SLC15A2: variants seen among roughly 807,000 people sequenced by gnomAD.
The protein encoded by SLC15A2 is solute carrier family 15 member 2, also known as kidney H(+)/peptide cotransporter.
A neutral mutation model predicts 95.5 loss-of-function variants in SLC15A2; 77 were observed. The ratio of observed to expected loss-of-function variants is 0.81; its 90% confidence interval spans 0.67 to 0.97. The LOEUF is 0.97. Among genes scored for constraint, SLC15A2 ranks in the 50% least tolerant of loss-of-function variants. SLC15A2 has a pLI of 0.00. For synonymous variants in SLC15A2, 306 were observed against 306.9 expected, an observed-to-expected ratio of 1.00 and a Z score of 0.03; for missense variants, 893 against 874.4, an observed-to-expected ratio of 1.02 and a Z score of -0.27.
chr3:121,911,987 G>A (rs1321300500), intron 4 of SLC15A2, among the ~76,000 whole-genome samples: 2 of 151,998 alleles, frequency 1.3e-5, no homozygotes, highest in Non-Finnish European at 2.9e-5. Context: ...ACTCTATAAT[G>A]TTTCCTTATA....
At chr3:121,935,080 A>T in intron 19 of SLC15A2, among the ~76,000 whole-genome samples, 1 of 152,164 alleles carries the variant, frequency 6.6e-6, no homozygotes, top group Non-Finnish European at 1.5e-5. Flanking sequence ...TGATTTTCGT[A>T]TATTGAACCA....
rs767603159 is a variant in SLC15A2 at position 121,924,399 on chromosome 3, A to G, written c.1035+16A>G. 1.2e-6 allele frequency: 2 copies of G among 1,611,086 alleles called. No individual in the cohort carries two copies. Among genetic ancestry groups the G allele is most frequent in the African/African-American group, 1.3e-5 (1 of 74,912 alleles). ...CCAGATGCAGGTATGTGACTCTTCT[A>G]TAGCCATGGGGACTTATTTGTTTCC... On this transcript the variant is annotated intron_variant, in intron 12 of 21. Transcript: ENST00000489711.
chr3:121,940,683 G>T, intron 21 of SLC15A2, 148 bp from the exon 22 acceptor site: 1 of 879,072 alleles, frequency 1.1e-6, no homozygotes. Flanking sequence ...ACCTATGTGA[G>T]GAGAGGCCAG....
chr3:121,919,631 C>A (rs1240290515), intron 7 of SLC15A2, among the ~76,000 whole-genome samples: 2 of 152,148 alleles, frequency 1.3e-5, no homozygotes, highest in African/African-American at 4.8e-5. Flanking sequence ...CTATCAGGAA[C>A]CGGCAAGTCG....
chr3:121,938,720 C>T (rs549052468), intron 19 of SLC15A2, among the ~76,000 whole-genome samples: 4 of 152,314 alleles, frequency 2.6e-5, no homozygotes, highest in South Asian at 2.1e-4. Context: ...AGAAATCACC[C>T]GTCTTCTGCA....
rs1330083469 is a variant in SLC15A2 at position 121,944,171 on chromosome 3, ACT to A, written c.*3167_*3168del. On this transcript the variant is annotated 3_prime_UTR_variant, in exon 22 of 22. Coordinates refer to ENST00000489711, the MANE Select transcript of SLC15A2 (RefSeq NM_021082.4). ...TTTTCTTAACATTTGCATATTAAAG[ACT>A]CTGACTATATATGGACATATATGAC... The A allele has an allele frequency of 6.6e-5, 10 of 152,194 alleles. No homozygotes were observed. The highest frequency in any genetic ancestry group is 1.9e-4 in the East Asian group (1 of 5,204). The allele number at this position is 152,194 out of a possible 1,614,324, so 9.4% of individuals were successfully genotyped here. A position where few individuals can be genotyped will look rare whatever the true frequency, so the allele number is the denominator to read the frequency against.
chr3:121,927,139 CTTTTGATTGAG>C (rs1710137565), intron 13 of SLC15A2, among the ~76,000 whole-genome samples: 1 of 152,066 alleles, frequency 6.6e-6, no homozygotes, highest in Non-Finnish European at 1.5e-5. Context: ...GGACTTGGAA[CTTTTGATTGAG>C]TTTGTGCTGG....
intron 4 of SLC15A2, among the ~76,000 whole-genome samples, chr3:121,911,946 A>G (rs1709776229): frequency 6.6e-6 from 1 of 152,128 alleles, no homozygotes; most frequent in Non-Finnish European, 1.5e-5. Flanking sequence ...TTATTCATCC[A>G]TGCATCTATA....
chr3:121,924,423 C>A, intron 12 of SLC15A2, 40 bp downstream of exon 12: 1 of 1,558,974 alleles, frequency 6.4e-7, no homozygotes, highest in Non-Finnish European at 8.8e-7. Context: ...TTATTTGTTT[C>A]CTTATCTATG....
At chr3:121,921,596 C>A (rs1420085830) in intron 7 of SLC15A2, among the ~76,000 whole-genome samples, 1 of 152,018 alleles carries the variant, frequency 6.6e-6, no homozygotes, top group Non-Finnish European at 1.5e-5. Context: ...TAACAATAAC[C>A]ATTAGGATAA....
At chr3:121,911,300 A>G (rs1209088503) in intron 3 of SLC15A2, among the ~76,000 whole-genome samples, 4 of 152,158 alleles carry the variant, frequency 2.6e-5, no homozygotes, top group Non-Finnish European at 4.4e-5. Flanking sequence ...GTGAGCGGGT[A>G]GAGGCAAAGG....
In SLC15A2 at chr3:121,921,358, A is replaced by G. The variant is rs551381146; in HGVS notation, c.698-862A>G. 1.6e-4 allele frequency among the ~76,000 whole-genome samples: 24 copies of G among 152,350 alleles called. No homozygotes were observed. The South Asian group carries it at 4.1e-3, about 26-fold the overall frequency. On this transcript the variant is annotated intron_variant, in intron 7 of 21. Transcript: ENST00000489711. Reference sequence around the variant, plus strand: ...GTGTAAGAATTAGTGAGTGAGATGCATTATAAGGATTAAATACATAGATTT... The same window carrying G: ...GTGTAAGAATTAGTGAGTGAGATGCGTTATAAGGATTAAATACATAGATTT...
In SLC15A2 at chr3:121,927,814, C is replaced by T. The variant is rs771680786; in HGVS notation, c.1181C>T (p.Ala394Val). ...CTAGCATGCCTGGCATTTGCAGTTG[C>T]GGCAGCTGTAGAGATAAAAATAAAT... is the stretch of plus-strand genomic sequence containing the variant. ...MILACLAFAV[A>V]AAVEIKINEM... is the part of the protein sequence containing the mutation. Residue 394 changes from alanine to valine, a missense_variant, in exon 14 of 22, where the codon GCG becomes GTG. By Grantham distance (64) the Ala-to-Val change is moderately conservative. Transcript: ENST00000489711. 46 of 1,613,458 alleles carry T rather than the reference C, an allele frequency of 2.9e-5. No homozygotes were observed. The highest frequency in any genetic ancestry group is 1.8e-4 in the East Asian group (8 of 44,892).
At chr3:121,920,551 C>G (rs1326472227) in intron 7 of SLC15A2, among the ~76,000 whole-genome samples, 1 of 152,182 alleles carries the variant, frequency 6.6e-6, no homozygotes, top group African/African-American at 2.4e-5. Flanking sequence ...CCGCCTTAGC[C>G]TTCCAAACTG....
At chr3:121,939,629 A>G in intron 20 of SLC15A2, 134 bp downstream of exon 20, 1 of 618,620 alleles carries the variant, frequency 1.6e-6, no homozygotes, top group East Asian at 3.2e-5. Flanking sequence ...CTGAACATAT[A>G]TGACCTGAAC....
chr3:121,925,450 C>A (rs1576685375), intron 13 of SLC15A2, among the ~76,000 whole-genome samples: 1 of 151,886 alleles, frequency 6.6e-6, no homozygotes. Flanking sequence ...GGACTGGGGA[C>A]TGAATTATTC....
intron 17 of SLC15A2, among the ~76,000 whole-genome samples, chr3:121,930,190 T>C (rs1429958860): frequency 6.6e-6 from 1 of 152,160 alleles, no homozygotes; most frequent in East Asian, 1.9e-4. Context: ...TTCTTATTCC[T>C]GGGGCCAGAG....
chr3:121,935,146 T>C (rs1710312947), intron 19 of SLC15A2, among the ~76,000 whole-genome samples: 1 of 152,228 alleles, frequency 6.6e-6, no homozygotes, highest in South Asian at 2.1e-4. Context: ...CTTTTTGATG[T>C]GCTGCTGGAT....
At position 121,929,028 on chromosome 3, in the gene SLC15A2, A is replaced by AT. The variant is rs1710177555; in HGVS notation, c.1392dup (p.His465SerfsTer14). 1 of 1,614,112 alleles carries AT rather than the reference A, an allele frequency of 6.2e-7. No homozygotes were observed. The highest frequency in any genetic ancestry group is 8.5e-7 in the Non-Finnish European group (1 of 1,179,976). On this transcript the variant is annotated frameshift_variant, in exon 16 of 22. Coordinates refer to ENST00000489711, the MANE Select transcript of SLC15A2 (RefSeq NM_021082.4). LOFTEE classifies it high-confidence loss of function. ...CTGCACCTGAAAACAAAAAGCCAGG[A>AT]TTTTCACTTCCACCTGAAATATCAC...
Sources: gnomAD v4.1 joint callset for allele counts (sites outside exome capture counted in the v4.1 genomes callset) on GRCh38, gnomAD v4.1.1 for gene constraint, MANE v1.5 for transcripts, NCBI Gene and HGNC (gene_info 2026-07-23, HGNC 2026-07-21) for gene names.